Variants in PPFIA3 observed in about 807,000 individuals in gnomAD.
PPFIA3 encodes the protein PPFI scaffold protein A3.
PPFIA3 carries 26 observed loss-of-function variants against 145.8 expected under a neutral mutation model. The ratio of observed to expected loss-of-function variants is 0.18; its 90% CI spans 0.13 to 0.25. PPFIA3 has a LOEUF of 0.25. Ranked by LOEUF, PPFIA3 falls within the 10% of genes least tolerant of loss-of-function variation. The probability of loss-of-function intolerance (pLI) is 1.00; values close to 1 mark genes in which losing one functional copy is unlikely to be tolerated. For missense variants in PPFIA3, 1,008 were observed against 1,587.8 expected, an observed-to-expected ratio of 0.63 and a Z score of 6.21; for synonymous variants, 645 against 661.4, an observed-to-expected ratio of 0.98 and a Z score of 0.38.
Position 49,129,391 on chromosome 19 carries a change from G to T in PPFIA3, c.519G>T (p.Arg173=). 3 of 1,550,500 alleles carry T rather than the reference G, an allele frequency of 1.9e-6. No homozygotes were observed. The highest frequency in any genetic ancestry group is 2.6e-6 in the Non-Finnish European group (3 of 1,147,310). Reference sequence around the variant, plus strand: ...GCCCCGATCCCCAGGTCCGGGAGCGGCTGCGGATGGCGCTGGAGCGCGTGG... The same window carrying T: ...GCCCCGATCCCCAGGTCCGGGAGCGTCTGCGGATGGCGCTGGAGCGCGTGG... ...HKALDEKVRE[R]LRMALERVAV... Residue 173 remains arginine, a synonymous_variant, in exon 5 of 30, where the codon CGG becomes CGT. Coordinates refer to ENST00000334186, the MANE Select transcript of PPFIA3 (RefSeq NM_003660.4).
At chr19:49,138,555 A>C (rs2041170228) in intron 16 of PPFIA3, 128 bp downstream of exon 16, 4 of 759,196 alleles carry the variant, frequency 5.3e-6, no homozygotes, top group Non-Finnish European at 7.5e-6. Context: ...GCTTTCCCTA[A>C]AGGTTCAAAC....
intron 1 of PPFIA3, among the ~76,000 whole-genome samples, chr19:49,123,926 T>G (rs2040966701): frequency 6.6e-6 from 1 of 152,042 alleles, no homozygotes; most frequent in Non-Finnish European, 1.5e-5. Context: ...ATTCTAAGCT[T>G]GTTCTAGGCT....
intron 23 of PPFIA3, chr19:49,146,458 G>T: frequency 3.5e-6 from 2 of 564,096 alleles, no homozygotes; most frequent in Non-Finnish European, 6.3e-6. Flanking sequence ...GCTCTAAGGG[G>T]CTTCAATTCT....
chr19:49,150,308 C>T lies in PPFIA3; in HGVS notation c.*86C>T, dbSNP rs2041332581. ...TCTCCTGCCCGGACTGTGGCCTCGC[C>T]GGGGAGAGCGGGCGGGGGAGCTCGC... is the stretch of plus-strand genomic sequence containing the variant. On this transcript the variant is annotated 3_prime_UTR_variant, in exon 30 of 30. Transcript: ENST00000334186. The T allele has an allele frequency of 4.2e-6, 3 of 718,904 alleles. No homozygotes were observed. The highest frequency in any genetic ancestry group is 6.7e-6 in the Non-Finnish European group (3 of 450,718). The allele number at this position is 718,904 out of a possible 1,614,324, so 44.5% of individuals were successfully genotyped here.
intron 14 of PPFIA3, 116 bp downstream of exon 14, chr19:49,136,039 G>A: frequency 8.2e-7 from 1 of 1,220,302 alleles, no homozygotes; most frequent in Non-Finnish European, 1.1e-6. Context: ...AGGATCTCTT[G>A]GACTCATCCA....
chr19:49,137,778 G>A (rs1258889175), intron 15 of PPFIA3, among the ~76,000 whole-genome samples: 5 of 151,438 alleles, frequency 3.3e-5, no homozygotes, highest in Non-Finnish European at 4.4e-5. Flanking sequence ...AATATACCAT[G>A]ACCACCACTT....
At chr19:49,121,487 A>AT (rs1050768798) in intron 1 of PPFIA3, among the ~76,000 whole-genome samples, 2 of 151,952 alleles carry the variant, frequency 1.3e-5, no homozygotes, top group African/African-American at 4.8e-5. Context: ...TTAAAAAAAA[A>AT]TTTTTTTGGC....
intron 18 of PPFIA3, 57 bp downstream of exon 18, chr19:49,140,145 C>T: frequency 6.4e-7 from 1 of 1,567,894 alleles, no homozygotes; most frequent in East Asian, 2.3e-5. Context: ...TCCTCCCTCC[C>T]TTTCTTTCTT....
chr19:49,145,741 A>C (rs550135908), intron 21 of PPFIA3: 2 of 599,188 alleles, frequency 3.3e-6, no homozygotes, highest in Non-Finnish European at 6.0e-6. Flanking sequence ...TTCCAACCTG[A>C]ATTTGTTCAA....
intron 19 of PPFIA3, 85 bp downstream of exon 19, chr19:49,141,598 ATGAGTG>A (rs2041223963): frequency 1.9e-6 from 2 of 1,064,504 alleles, no homozygotes; most frequent in Non-Finnish European, 2.7e-6. Flanking sequence ...ATGTGTGTGT[ATGAGTG>A]TGTGTGTGTG....
Position 49,143,008 on chromosome 19 carries a change from AG to A in PPFIA3, c.2745+5del. ...AGCCCCCGCCTCCTCCCGCACTGTGAGTGTCCGGCGGCCAATTCCAGCCTTC... is the reference window on the plus strand; with the variant it reads ...AGCCCCCGCCTCCTCCCGCACTGTGATGTCCGGCGGCCAATTCCAGCCTTC... On this transcript the variant is annotated splice_donor_5th_base_variant and intron_variant, in intron 21 of 29. Transcript: ENST00000334186. 1 of 1,601,878 alleles carries A rather than the reference AG, an allele frequency of 6.2e-7. No homozygotes were observed. The highest frequency in any genetic ancestry group is 8.5e-7 in the Non-Finnish European group (1 of 1,176,626).
Position 49,150,070 on chromosome 19 carries a change from C to G in PPFIA3, c.3527-10C>G, listed in dbSNP as rs751479335. On this transcript the variant is annotated splice_polypyrimidine_tract_variant and intron_variant, in intron 28 of 29. Coordinates refer to ENST00000334186, the MANE Select transcript of PPFIA3 (RefSeq NM_003660.4). The stretch of plus-strand genomic sequence containing the variant: ...GCTCCAGGCTGAACCGCTGCTCGCT[C>G]TCCCTCCAGGCCAGACTTCTGGGAG... 1.6e-5 allele frequency: 26 copies of G among 1,606,868 alleles called. No homozygotes were observed. In the Admixed American group the frequency reaches 3.4e-4, roughly 21 times the overall value.
chr19:49,124,226 T>C (rs1600322264), intron 1 of PPFIA3, among the ~76,000 whole-genome samples: 1 of 151,890 alleles, frequency 6.6e-6, no homozygotes, highest in Admixed American at 6.6e-5. Context: ...ACTGGTTAAT[T>C]TTTGTATTTT....
chr19:49,127,502 G>A (rs2122541119), intron 1 of PPFIA3, among the ~76,000 whole-genome samples: 1 of 151,850 alleles, frequency 6.6e-6, no homozygotes, highest in East Asian at 1.9e-4. Context: ...AGGAGGCTGA[G>A]TTGGGAGGAC....
chr19:49,130,255 A>G lies in PPFIA3; in HGVS notation c.658-123A>G, dbSNP rs774818758. 36 of 1,186,050 alleles carry G rather than the reference A, an allele frequency of 3.0e-5. No homozygotes were observed. Among genetic ancestry groups the G allele is most frequent in the Non-Finnish European group, 4.2e-5 (36 of 850,990 alleles). 73.5% of individuals were successfully genotyped at this position (1,186,050 alleles called of 1,614,324 possible). A position where few individuals can be genotyped will look rare whatever the true frequency, so the allele number is the denominator to read the frequency against. On this transcript the variant is annotated intron_variant, in intron 6 of 29. Coordinates refer to ENST00000334186, the MANE Select transcript of PPFIA3 (RefSeq NM_003660.4). This position sits in a 1 kb window ranked among gnomAD's most constrained non-coding sequence, Gnocchi z 4.5. ...TGACCTCCTTCACTGACCCCCGTGG[A>G]CTCTGACCAGCATGATCCTTATTGA...
chr19:49,149,938 T>C lies in PPFIA3; in HGVS notation c.3527-142T>C. 3 of 1,188,664 alleles carry C rather than the reference T, an allele frequency of 2.5e-6. No homozygotes were observed. Among genetic ancestry groups the C allele is most frequent in the Non-Finnish European group, 3.5e-6 (3 of 849,244 alleles). 73.6% of individuals were successfully genotyped at this position (1,188,664 alleles called of 1,614,324 possible). A position where few individuals can be genotyped will look rare whatever the true frequency, so the allele number is the denominator to read the frequency against. On this transcript the variant is annotated intron_variant, in intron 28 of 29. Coordinates refer to ENST00000334186, the MANE Select transcript of PPFIA3 (RefSeq NM_003660.4). The surrounding 1 kb of genome is among the most constrained non-coding windows in gnomAD (Gnocchi z 5.7). ...ACTCGCCCAATGCGAGTTTGAGTCC[T>C]TGGCTGCGGGGAAGGGAGGGAAACC...
In PPFIA3 at chr19:49,149,493, G is replaced by GT; in HGVS notation, c.3355-54_3355-53insT. On this transcript the variant is annotated intron_variant, in intron 27 of 29. Coordinates refer to ENST00000334186, the MANE Select transcript of PPFIA3 (RefSeq NM_003660.4). This position sits in a 1 kb window ranked among gnomAD's most constrained non-coding sequence, Gnocchi z 5.7. ...GAGAGGGGTGGAGTCAAAGGAAGGG[G>GT]CGGAGTCAGACAAGGCAGGAGTCCC... is the stretch of plus-strand genomic sequence containing the variant. The GT allele has an allele frequency of 6.2e-7, 1 of 1,608,434 alleles. No homozygotes were observed. Among genetic ancestry groups the GT allele is most frequent in the Non-Finnish European group, 8.5e-7 (1 of 1,175,762 alleles).
Position 49,128,077 on chromosome 19 carries a change from C to T in PPFIA3, c.204C>T (p.Asp68=), listed in dbSNP as rs2041024371. The T allele has an allele frequency of 8.2e-6, 13 of 1,588,550 alleles. No homozygotes were observed. The highest frequency in any genetic ancestry group is 9.4e-6 in the Non-Finnish European group (11 of 1,175,502). The change falls in exon 2 of 30, where the codon GAC becomes GAT. Residue 68 remains aspartate, a synonymous_variant. Transcript: ENST00000334186. This position sits in a 1 kb window ranked among gnomAD's most constrained non-coding sequence, Gnocchi z 4.1. ...LRLRELGHEK[D]SLQRQLSIAL... The stretch of plus-strand genomic sequence containing the variant: ...TGCGCGAGCTCGGCCACGAGAAGGA[C>T]TCGCTGCAGCGCCAGCTCAGCATCG...
rs1383775469 is a variant in PPFIA3, at chr19:49,133,124, A to C, written c.1003A>C (p.Ser335Arg). The change falls in exon 8 of 30, where the codon AGC becomes CGC. Residue 335 changes from serine to arginine, a missense_variant. Ser to Arg is a moderately radical substitution (Grantham distance 110). This residue lies in a region of PPFIA3 where 109 missense variants were observed against 198.1 expected (regional missense o/e 0.55). Coordinates refer to ENST00000334186, the MANE Select transcript of PPFIA3 (RefSeq NM_003660.4). This position sits in a 1 kb window ranked among gnomAD's most constrained non-coding sequence, Gnocchi z 7.2. ...CGACAAACTGGAGAACGAGTTAGCTAGCAAGGAGTCGTTGTATCGGCAGGT... is the reference window on the plus strand; with the variant it reads ...CGACAAACTGGAGAACGAGTTAGCTCGCAAGGAGTCGTTGTATCGGCAGGT... ...ANDKLENELA[S>R]KESLYRQSEE... 1.9e-6 allele frequency: 3 copies of C among 1,608,462 alleles called. No individual in the cohort carries two copies. Among genetic ancestry groups the C allele is most frequent in the Non-Finnish European group, 2.5e-6 (3 of 1,176,852 alleles).
Sources: gnomAD v4.1 joint callset for allele counts (sites outside exome capture counted in the v4.1 genomes callset) on GRCh38, gnomAD v4.1.1 for gene constraint, gnomAD v4.1.1 regional missense constraint, Gnocchi (gnomAD v3.1) non-coding constraint, MANE v1.5 for transcripts, NCBI Gene and HGNC (gene_info 2026-07-23, HGNC 2026-07-21) for gene names.